Variants in ANKS1B observed in about 807,000 individuals in gnomAD.
ANKS1B encodes ankyrin repeat and sterile alpha motif domain containing 1B, also known as ankyrin repeat and sterile alpha motif domain-containing protein 1B.
Under a neutral mutation model 148.3 loss-of-function variants are expected in ANKS1B, and 36 were observed. That is an observed-to-expected ratio of 0.24 (90% CI 0.19 to 0.32). The LOEUF (loss-of-function observed/expected upper bound fraction) is 0.32. ANKS1B is among the 10% of genes least tolerant of loss of function. The pLI is 1.00. For synonymous variants in ANKS1B, 542 were observed against 560.8 expected (o/e 0.97, Z 0.47); for missense variants, 1,157 against 1,542.6 (o/e 0.75, Z 4.19).
chr12:99,498,797 C>T (rs745968527), intron 10 of ANKS1B, among the ~76,000 whole-genome samples: 10 of 152,072 alleles, frequency 6.6e-5, no homozygotes, highest in Non-Finnish European at 5.9e-5. Context: ...AATGTCTCCA[C>T]GTTTGCAAAT....
At chr12:98,741,465 T>C (rs144351013), downstream of ANKS1B, among the ~76,000 whole-genome samples, 1 of 152,270 alleles carries the variant, frequency 6.6e-6, no homozygotes, top group East Asian at 1.9e-4. Flanking sequence ...AACCCAACGA[T>C]TTTGCGTGAA....
At chr12:98,976,270 T>G (rs1372195447) in intron 17 of ANKS1B, 1 of 152,150 alleles carries the variant, frequency 6.6e-6, no homozygotes, top group African/African-American at 2.4e-5. Context: ...CATGGAGGAA[T>G]TCAGATGGTA....
At chr12:99,421,166 A>G (rs2095068663) in intron 11 of ANKS1B, among the ~76,000 whole-genome samples, 1 of 152,238 alleles carries the variant, frequency 6.6e-6, no homozygotes, top group African/African-American at 2.4e-5. Context: ...TTTTAGTATA[A>G]GTAGGATCTA....
intron 25 of ANKS1B, among the ~76,000 whole-genome samples, chr12:98,769,244 C>A (rs10492279): frequency 2.8e-5 from 4 of 143,424 alleles, no homozygotes; most frequent in East Asian, 2.1e-4. Context: ...GAATTTTAAG[C>A]CTTCAAGACT....
chr12:99,574,287 A>C (rs116837951), intron 9 of ANKS1B, among the ~76,000 whole-genome samples: 54 of 152,242 alleles, frequency 3.5e-4, no homozygotes, highest in African/African-American at 1.3e-3. Flanking sequence ...CCTACACGTA[A>C]ATCTTAGTTG....
At chr12:99,256,262 G>GA (rs961251043) in intron 12 of ANKS1B, among the ~76,000 whole-genome samples, 11 of 137,428 alleles carry the variant, frequency 8.0e-5, no homozygotes, top group Admixed American at 1.4e-4. Context: ...AAAAAAAAAA[G>GA]AAAAAAAAAA....
chr12:99,082,191 G>A lies in ANKS1B; in HGVS notation c.2625+2734C>T, dbSNP rs188200228. On this transcript the variant is annotated intron_variant, in intron 16 of 26. Transcript: ENST00000683438. Reference sequence around the variant, plus strand: ...CCTGACCTTATGGACCTTGCTTCCTGAGGGTGAGATGGAAAATAATGAAGA... The same window carrying A: ...CCTGACCTTATGGACCTTGCTTCCTAAGGGTGAGATGGAAAATAATGAAGA... 3.9e-5 allele frequency among the ~76,000 whole-genome samples: 6 copies of A among 152,262 alleles called. No homozygotes were observed. In the East Asian group the frequency reaches 1.2e-3, roughly 29 times the overall value.
At chr12:99,067,116 C>G (rs374348686) in intron 16 of ANKS1B, among the ~76,000 whole-genome samples, 10 of 152,304 alleles carry the variant, frequency 6.6e-5, no homozygotes, top group African/African-American at 2.4e-4. Context: ...GAAGAGGTTT[C>G]AATTAAATAG....
intron 14 of ANKS1B, chr12:99,154,738 T>G: frequency 6.9e-7 from 1 of 1,439,880 alleles, no homozygotes; most frequent in Non-Finnish European, 9.1e-7. Flanking sequence ...TTCTATGTGA[T>G]TGTTGGAGTA....
intron 10 of ANKS1B, among the ~76,000 whole-genome samples, chr12:99,452,015 C>T (rs2095748790): frequency 6.6e-6 from 1 of 152,190 alleles, no homozygotes; most frequent in South Asian, 2.1e-4. Context: ...CCTAATCTAA[C>T]AATTCATGAA....
At chr12:99,624,714 A>G (rs1030467235) in intron 9 of ANKS1B, among the ~76,000 whole-genome samples, 1 of 152,132 alleles carries the variant, frequency 6.6e-6, no homozygotes, top group Non-Finnish European at 1.5e-5. Context: ...AACTCATACC[A>G]GTCAGAATGG....
intron 17 of ANKS1B, among the ~76,000 whole-genome samples, chr12:98,920,457 C>T (rs1318536085): frequency 6.6e-6 from 1 of 152,178 alleles, no homozygotes; most frequent in Non-Finnish European, 1.5e-5. Context: ...GGAGGCCTCA[C>T]AATCATGGTG....
chr12:99,238,188 C>A (rs2088415909), intron 14 of ANKS1B, among the ~76,000 whole-genome samples: 1 of 152,224 alleles, frequency 6.6e-6, no homozygotes, highest in South Asian at 2.1e-4. Flanking sequence ...ATGGTACACT[C>A]CTGATCAAAT....
At chr12:99,575,093 A>G (rs1567386803) in intron 9 of ANKS1B, among the ~76,000 whole-genome samples, 1 of 152,110 alleles carries the variant, frequency 6.6e-6, no homozygotes, top group Non-Finnish European at 1.5e-5. Flanking sequence ...GTCAATATAT[A>G]TCAGTAAACC....
At position 98,877,084 on chromosome 12, in the gene ANKS1B, G is replaced by T. The variant is rs567096463; in HGVS notation, c.2779-44948C>A. Among the ~76,000 whole-genome samples the T allele has an allele frequency of 1.1e-4, 16 of 152,334 alleles. No individual in the cohort carries two copies. The East Asian group carries it at 3.1e-3, about 29-fold the overall frequency. Reference sequence around the variant, plus strand: ...CAACACAGCCAATCTAATGGGGCCAGTTGGGGTCTGAGTGACTCATAAAAA... The same window carrying T: ...CAACACAGCCAATCTAATGGGGCCATTTGGGGTCTGAGTGACTCATAAAAA... On this transcript the variant is annotated intron_variant, in intron 17 of 26. Transcript: ENST00000683438.
intron 10 of ANKS1B, among the ~76,000 whole-genome samples, chr12:99,497,678 T>C (rs1713780004): frequency 6.6e-6 from 1 of 151,964 alleles, no homozygotes; most frequent in African/African-American, 2.4e-5. Context: ...ATCTTTACAA[T>C]GATTCTATAT....
At chr12:99,032,298 G>A (rs976918708) in intron 17 of ANKS1B, among the ~76,000 whole-genome samples, 2 of 152,302 alleles carry the variant, frequency 1.3e-5, no homozygotes, top group Admixed American at 6.5e-5. Flanking sequence ...ACCATAAACT[G>A]GGTGGCTTGA....
intron 8 of ANKS1B, among the ~76,000 whole-genome samples, chr12:99,690,159 A>G (rs918832601): frequency 7.9e-5 from 12 of 152,102 alleles, no homozygotes; most frequent in African/African-American, 2.9e-4. Flanking sequence ...ACTCACTATC[A>G]TGAGAACAGC....
At chr12:99,698,978 G>A (rs911689447) in intron 8 of ANKS1B, among the ~76,000 whole-genome samples, 7 of 151,976 alleles carry the variant, frequency 4.6e-5, no homozygotes, top group Admixed American at 1.3e-4. Context: ...GTGTGGGTGT[G>A]CACGCACGTG....
Sources: gnomAD v4.1 joint callset for allele counts (sites outside exome capture counted in the v4.1 genomes callset) on GRCh38, gnomAD v4.1.1 for gene constraint, MANE v1.5 for transcripts, NCBI Gene and HGNC (gene_info 2026-07-23, HGNC 2026-07-21) for gene names.